Variants in PKHD1 observed in about 807,000 individuals in gnomAD.
The protein encoded by PKHD1 is fibrocystin.
A neutral mutation model predicts 412.0 loss-of-function variants in PKHD1; 291 were observed. The observed-to-expected ratio is 0.71, with a 90% CI of 0.64 to 0.78. The LOEUF is 0.78. Among genes scored for constraint, PKHD1 ranks in the 30% least tolerant of loss-of-function variants. The pLI, the probability that PKHD1 is intolerant of heterozygous loss-of-function variation, is 0.00. For synonymous variants in PKHD1, 1,777 were observed against 1,821.5 expected (o/e 0.98, Z 0.62); for missense variants, 4,825 against 4,950.7 (o/e 0.97, Z 0.76).
In PKHD1 at chr6:52,033,087, C is replaced by T. The variant is rs1581855019; in HGVS notation, c.3307G>A (p.Val1103Ile). The T allele has an allele frequency of 2.5e-6, 4 of 1,610,870 alleles. No homozygotes were observed. The highest frequency in any genetic ancestry group is 3.4e-6 in the Non-Finnish European group (4 of 1,177,140). The change falls in exon 29 of 67, where the codon GTC (valine) becomes ATC (isoleucine). Residue 1103 changes from valine (V) to isoleucine (I), a missense_variant. Val to Ile is a conservative substitution (Grantham distance 29). Coordinates refer to ENST00000371117, the MANE Select transcript of PKHD1 (RefSeq NM_138694.4). ...ACAATAACTGGATTTAAGGAAGAGA[C>T]ATATGTAAATGCTCTGGGAAGAACT... is the stretch of plus-strand genomic sequence containing the variant. ...SAVLPRAFTY[V>I]SSLNPVIVTL...
At chr6:51,827,949 G>A (rs1767598644) in intron 52 of PKHD1, among the ~76,000 whole-genome samples, 1 of 152,050 alleles carries the variant, frequency 6.6e-6, no homozygotes, top group Non-Finnish European at 1.5e-5. Flanking sequence ...ATGGTTCATT[G>A]CATTGCATAC....
chr6:51,679,174 C>A (rs1016607569), intron 60 of PKHD1, among the ~76,000 whole-genome samples: 1 of 152,098 alleles, frequency 6.6e-6, no homozygotes, highest in East Asian at 1.9e-4. Context: ...AATTTTTTTC[C>A]CTCTCATGAC....
At chr6:51,784,508 T>C (rs1792547914) in intron 53 of PKHD1, among the ~76,000 whole-genome samples, 1 of 152,210 alleles carries the variant, frequency 6.6e-6, no homozygotes, top group African/African-American at 2.4e-5. Flanking sequence ...CCAGAAATTG[T>C]ACAATGAGTT....
chr6:52,006,086 C>A (rs542717952), intron 35 of PKHD1, among the ~76,000 whole-genome samples: 1 of 151,462 alleles, frequency 6.6e-6, no homozygotes, highest in Admixed American at 6.6e-5. Flanking sequence ...GTTGTTGAGC[C>A]ACTTGATATT....
chr6:51,773,348 T>C (rs914337717), intron 54 of PKHD1, among the ~76,000 whole-genome samples: 5 of 151,946 alleles, frequency 3.3e-5, no homozygotes, highest in Admixed American at 2.6e-4. Context: ...TTAGGAGAAA[T>C]GTGCTTGATA....
In PKHD1 at chr6:51,619,398, G is replaced by A. The variant is rs2150241159; in HGVS notation, c.11908C>T (p.Pro3970Ser). Residue 3970 changes from proline (P) to serine (S), a missense_variant, in exon 67 of 67, where the codon CCT (proline) becomes TCT (serine). Physicochemically the swap from Pro to Ser is moderately conservative, Grantham distance 74. Transcript: ENST00000371117. ...VREEEAAVPA[P>S]GTTGITSHGH... Reference sequence around the variant, plus strand: ...TGGGATGTGATGCCAGTAGTACCAGGAGCAGGCACAGCAGCCTCTTCCTCT... The same window carrying A: ...TGGGATGTGATGCCAGTAGTACCAGAAGCAGGCACAGCAGCCTCTTCCTCT... 1 of 1,613,636 alleles carries A rather than the reference G, an allele frequency of 6.2e-7. No individual in the cohort carries two copies. The highest frequency in any genetic ancestry group is 8.5e-7 in the Non-Finnish European group (1 of 1,179,534).
intron 52 of PKHD1, among the ~76,000 whole-genome samples, chr6:51,819,462 T>C (rs1290240121): frequency 6.6e-6 from 1 of 152,084 alleles, no homozygotes; most frequent in African/African-American, 2.4e-5. Flanking sequence ...CCTTCAAATA[T>C]GAATTGTAAT....
At chr6:51,906,693 C>A (rs973269525) in intron 40 of PKHD1, among the ~76,000 whole-genome samples, 1 of 152,064 alleles carries the variant, frequency 6.6e-6, no homozygotes, top group Admixed American at 6.6e-5. Context: ...TTAAGGATAA[C>A]GTGAAGAGCA....
chr6:51,844,667 A>G (rs1770844798), intron 50 of PKHD1, among the ~76,000 whole-genome samples: 1 of 152,166 alleles, frequency 6.6e-6, no homozygotes, highest in African/African-American at 2.4e-5. Flanking sequence ...AATGAAGATA[A>G]TTGTGATTTT....
At chr6:51,951,788 G>A (rs1412828810) in intron 36 of PKHD1, among the ~76,000 whole-genome samples, 1 of 152,106 alleles carries the variant, frequency 6.6e-6, no homozygotes, top group African/African-American at 2.4e-5. Flanking sequence ...AGGATGAATA[G>A]GATATAGGGA....
At chr6:51,827,265 T>C (rs781719281) in intron 52 of PKHD1, among the ~76,000 whole-genome samples, 1 of 152,122 alleles carries the variant, frequency 6.6e-6, no homozygotes, top group African/African-American at 2.4e-5. Context: ...GGCAGCCAGA[T>C]GGAAAAATGA....
At chr6:51,893,563 G>A (rs1189071603) in intron 43 of PKHD1, among the ~76,000 whole-genome samples, 2 of 152,164 alleles carry the variant, frequency 1.3e-5, no homozygotes, top group African/African-American at 4.8e-5. Flanking sequence ...GATTCATGAG[G>A]AAAAACCACA....
intron 36 of PKHD1, among the ~76,000 whole-genome samples, chr6:51,956,991 ATGGACCATAAACTGCTGGGGGTT>A (rs1444506372): frequency 6.6e-5 from 10 of 152,104 alleles, no homozygotes; most frequent in South Asian, 2.1e-4. Context: ...TTTAAAGGAA[ATGGACCATAAACTGCTGGGGGTT>A]TACTTTACCA....
At chr6:52,042,653 A>G (rs1805098172) in intron 27 of PKHD1, among the ~76,000 whole-genome samples, 1 of 152,204 alleles carries the variant, frequency 6.6e-6, no homozygotes, top group South Asian at 2.1e-4. Flanking sequence ...GCCTGACACC[A>G]CCAGCCAAAC....
At chr6:52,082,661 T>C in intron 3 of PKHD1, 119 bp from the exon 4 acceptor site, 1 of 906,136 alleles carries the variant, frequency 1.1e-6, no homozygotes, top group Non-Finnish European at 1.8e-6. Flanking sequence ...AGGATTAAAT[T>C]AATACTCCTC....
chr6:51,858,600 G>C (rs200336032), intron 48 of PKHD1, among the ~76,000 whole-genome samples: 3 of 151,930 alleles, frequency 2.0e-5, no homozygotes, highest in Admixed American at 6.6e-5. Context: ...GAGACATATG[G>C]GCTTGGATTT....
chr6:51,900,656 C>A (rs1344373624), intron 43 of PKHD1, among the ~76,000 whole-genome samples: 1 of 151,772 alleles, frequency 6.6e-6, no homozygotes, highest in African/African-American at 2.4e-5. Flanking sequence ...GCAACAAAAG[C>A]CAAAATTGAC....
rs775559504 is a variant in PKHD1 at position 52,027,926 on chromosome 6, T to A, written c.3561-30A>T. On this transcript the variant is annotated intron_variant, in intron 30 of 66. Coordinates refer to ENST00000371117, the MANE Select transcript of PKHD1 (RefSeq NM_138694.4). ...AGAAGATAGGCAGATGTTTAGGAAA[T>A]AACTGACAGAGAGAGATAAGAAAGA... 6 of 1,535,828 alleles carry A rather than the reference T, an allele frequency of 3.9e-6. No individual in the cohort carries two copies. In the South Asian group the frequency reaches 6.7e-5, roughly 17 times the overall value.
rs1313054455 is a variant in PKHD1, at chr6:52,082,425, A to G, written c.248T>C (p.Phe83Ser). The change falls in exon 4 of 67, where the codon TTC (phenylalanine) becomes TCC (serine). Residue 83 changes from phenylalanine to serine, a missense_variant. Physicochemically the swap from Phe to Ser is radical, Grantham distance 155 (BLOSUM62 -2). Coordinates refer to ENST00000371117, the MANE Select transcript of PKHD1 (RefSeq NM_138694.4). ...GCATGTCACCACAGGCAAATCCAAGAAAACAGGAAAGACGTCACAGGGAAC... is the reference window on the plus strand; with the variant it reads ...GCATGTCACCACAGGCAAATCCAAGGAAACAGGAAAGACGTCACAGGGAAC... ...RSVPCDVFPVFLDLPVVTCRT... is the reference protein window; with the variant it reads ...RSVPCDVFPVSLDLPVVTCRT... The G allele has an allele frequency of 6.2e-7, 1 of 1,614,158 alleles. No individual in the cohort carries two copies. The highest frequency in any genetic ancestry group is 1.1e-5 in the South Asian group (1 of 91,080).
Sources: allele counts gnomAD v4.1 joint callset (sites outside exome capture counted in the v4.1 genomes callset), GRCh38; gene constraint gnomAD v4.1.1; transcripts MANE v1.5; gene names NCBI Gene and HGNC (gene_info 2026-07-23, HGNC 2026-07-21).